The following AFF3 variants were observed in gnomAD, a reference collection of about 807,000 sequenced individuals.
The protein encoded by AFF3 is ALF transcription elongation factor 3.
In AFF3, 32 loss-of-function variants were observed where a neutral mutation model predicts 129.7. The ratio of observed to expected loss-of-function variants is 0.25; its 90% confidence interval spans 0.19 to 0.33. The LOEUF is 0.33. AFF3 is among the 10% of genes least tolerant of loss of function. The pLI, the probability that AFF3 is intolerant of heterozygous loss-of-function variation, is 1.00. For missense variants in AFF3, 1,373 were observed against 1,592.0 expected, an observed-to-expected ratio of 0.86 and a Z score of 2.34; for synonymous variants, 644 against 635.4, an observed-to-expected ratio of 1.01 and a Z score of -0.20.
At chr2:99,636,964 C>A (rs1168092116) in intron 13 of AFF3, among the ~76,000 whole-genome samples, 1 of 152,130 alleles carries the variant, frequency 6.6e-6, no homozygotes, top group Non-Finnish European at 1.5e-5. Context: ...GCCCTGTGCC[C>A]AGAGTGAGCA....
At chr2:100,052,151 G>A (rs1266564586) in intron 4 of AFF3, among the ~76,000 whole-genome samples, 1 of 152,142 alleles carries the variant, frequency 6.6e-6, no homozygotes, top group African/African-American at 2.4e-5. Context: ...TGTTCATTTT[G>A]TAGTTCATGT....
At chr2:99,738,549 T>G (rs1014055733) in intron 10 of AFF3, among the ~76,000 whole-genome samples, 1 of 152,186 alleles carries the variant, frequency 6.6e-6, no homozygotes, top group Admixed American at 6.5e-5. Context: ...TACCTTGAAT[T>G]AGATTTCCTA....
At chr2:99,693,142 G>A (rs1675849417) in intron 11 of AFF3, among the ~76,000 whole-genome samples, 1 of 152,174 alleles carries the variant, frequency 6.6e-6, no homozygotes, top group South Asian at 2.1e-4. Flanking sequence ...AGACTACTGT[G>A]AAGACACAGA....
chr2:99,595,405 C>T (rs1324198067), intron 14 of AFF3, among the ~76,000 whole-genome samples: 1 of 152,112 alleles, frequency 6.6e-6, no homozygotes, highest in Non-Finnish European at 1.5e-5. Context: ...GAATTCGTGG[C>T]ATCCATTGTT....
At chr2:99,709,021 A>AG (rs946193364) in intron 11 of AFF3, among the ~76,000 whole-genome samples, 1 of 152,218 alleles carries the variant, frequency 6.6e-6, no homozygotes, top group Non-Finnish European at 1.5e-5. Context: ...GAGAAACAGA[A>AG]GGGGGTAAAG....
At chr2:99,935,781 A>G (rs747120308) in intron 7 of AFF3, among the ~76,000 whole-genome samples, 4 of 152,182 alleles carry the variant, frequency 2.6e-5, no homozygotes, top group Non-Finnish European at 4.4e-5. Flanking sequence ...GTGGTTGTTG[A>G]GCATCACCTG....
chr2:100,011,206 G>A (rs944264973), intron 4 of AFF3, among the ~76,000 whole-genome samples: 3 of 152,090 alleles, frequency 2.0e-5, no homozygotes, highest in Non-Finnish European at 2.9e-5. Flanking sequence ...CCCGGGAGGC[G>A]GAGCTTGCAG....
chr2:99,670,177 GTCT>G (rs796948174), intron 12 of AFF3, among the ~76,000 whole-genome samples: 13 of 152,282 alleles, frequency 8.5e-5, no homozygotes, highest in African/African-American at 2.9e-4. Context: ...AAACTAGACT[GTCT>G]TTTGACCTTC....
chr2:99,643,012 T>C (rs939215798), intron 13 of AFF3, among the ~76,000 whole-genome samples: 25 of 151,762 alleles, frequency 1.6e-4, no homozygotes, highest in African/African-American at 4.6e-4. Flanking sequence ...CTTGAGGTAA[T>C]GGATTTTTTA....
intron 8 of AFF3, among the ~76,000 whole-genome samples, chr2:99,819,163 TTGTC>T (rs1687463428): frequency 6.6e-6 from 1 of 152,234 alleles, no homozygotes; most frequent in Admixed American, 6.5e-5. Context: ...CAAGGAAGCT[TTGTC>T]TGTATATTTT....
intron 7 of AFF3, among the ~76,000 whole-genome samples, chr2:99,980,659 G>C (rs1679321507): frequency 6.6e-6 from 1 of 152,088 alleles, no homozygotes; most frequent in African/African-American, 2.4e-5. Flanking sequence ...CCTTTATCCA[G>C]GTTAATTCTC....
chr2:100,043,509 T>C (rs961369537), intron 4 of AFF3, among the ~76,000 whole-genome samples: 2 of 152,148 alleles, frequency 1.3e-5, no homozygotes, highest in African/African-American at 4.8e-5. Context: ...GAGACTGTAA[T>C]ATCGAAAAAG....
At chr2:99,816,721 C>T (rs1687264966) in intron 8 of AFF3, among the ~76,000 whole-genome samples, 1 of 151,840 alleles carries the variant, frequency 6.6e-6, no homozygotes, top group African/African-American at 2.4e-5. Context: ...TAAGCCTCAG[C>T]CTCAGGTAGG....
intron 4 of AFF3, among the ~76,000 whole-genome samples, chr2:100,020,288 C>T (rs1683481119): frequency 1.3e-5 from 2 of 151,982 alleles, no homozygotes; most frequent in South Asian, 4.2e-4. Context: ...TTTGGCTGCT[C>T]CTCAGTCTGC....
chr2:99,577,857 G>A (rs906566009), intron 18 of AFF3, among the ~76,000 whole-genome samples: 2 of 152,148 alleles, frequency 1.3e-5, no homozygotes, highest in African/African-American at 4.8e-5. Flanking sequence ...GGTGAAGGAT[G>A]ATGGCATTTT....
At chr2:99,947,394 G>A (rs1332091153) in intron 7 of AFF3, among the ~76,000 whole-genome samples, 1 of 152,006 alleles carries the variant, frequency 6.6e-6, no homozygotes, top group Non-Finnish European at 1.5e-5. Context: ...AGCGACCCAA[G>A]GTCGTGCCAT....
chr2:100,083,095 A>G (rs1412855130), intron 4 of AFF3, among the ~76,000 whole-genome samples: 1 of 152,206 alleles, frequency 6.6e-6, no homozygotes, highest in African/African-American at 2.4e-5. Flanking sequence ...CGTCTCAAAA[A>G]AAGGATAAAA....
chr2:99,607,915 A>C (rs1407898193), intron 13 of AFF3, among the ~76,000 whole-genome samples: 1 of 152,260 alleles, frequency 6.6e-6, no homozygotes, highest in Non-Finnish European at 1.5e-5. Context: ...TGGTAAGTGA[A>C]AATGGTAAAT....
intron 14 of AFF3, among the ~76,000 whole-genome samples, chr2:99,597,367 G>A (rs564835303): frequency 2.6e-5 from 4 of 152,134 alleles, no homozygotes; most frequent in Admixed American, 6.6e-5. Flanking sequence ...ACTCAATTGC[G>A]TTGTCTTTTG....
Sources: gnomAD v4.1 joint callset for allele counts (sites outside exome capture counted in the v4.1 genomes callset) on GRCh38, gnomAD v4.1.1 for gene constraint, MANE v1.5 for transcripts, NCBI Gene and HGNC (gene_info 2026-07-23, HGNC 2026-07-21) for gene names.